The following PRX variants were observed in gnomAD, a reference collection of about 807,000 sequenced individuals.
The protein encoded by PRX is periaxin.
In PRX, 24 loss-of-function variants were observed where a neutral mutation model predicts 29.6. The observed-to-expected ratio is 0.81, with a 90% confidence interval of 0.59 to 1.14. PRX has a LOEUF of 1.14. Ranked by LOEUF, PRX falls within the 50% of genes most tolerant of loss-of-function variation. The pLI is 0.00. For missense variants in PRX, 1,838 were observed against 1,926.4 expected, an observed-to-expected ratio of 0.95 and a Z score of 0.86; for synonymous variants, 772 against 831.7, an observed-to-expected ratio of 0.93 and a Z score of 1.24.
At position 40,395,997 on chromosome 19, in the gene PRX, C is replaced by T. The variant is rs2145728615; in HGVS notation, c.2355G>A (p.Lys785=). 1.9e-6 allele frequency: 3 copies of T among 1,614,062 alleles called. No homozygotes were observed. Among genetic ancestry groups the T allele is most frequent in the Non-Finnish European group, 2.5e-6 (3 of 1,180,048 alleles). The change falls in exon 7 of 7, where the codon AAG becomes AAA. Residue 785 remains lysine (K), a synonymous_variant. Transcript: ENST00000324001. ...KLPRAPEVQL[K]ATKAEQAEGM... Reference sequence around the variant, plus strand: ...CTTCTGCCTGTTCTGCCTTGGTGGCCTTTAGCTGCACCTCCGGAGCCCTGG... The same window carrying T: ...CTTCTGCCTGTTCTGCCTTGGTGGCTTTTAGCTGCACCTCCGGAGCCCTGG...
rs555523161 is a variant in PRX, at chr19:40,394,496, C to T, written c.3856G>A (p.Gly1286Ser). ...GCCACCTGGTACTCGGCATGGTTGC[C>T]CCCGGATGGCGAGAGCTCCACGTCG... ...LPDVELSPSG[G>S]NHAEYQVAEG... The change falls in exon 7 of 7, where the codon GGC (glycine) becomes AGC (serine). Residue 1286 changes from glycine (G) to serine (S), a missense_variant. By Grantham distance (56) the Gly-to-Ser change is moderately conservative (BLOSUM62 0). This residue lies in a region of PRX where 1,143 missense variants were observed against 1,193.0 expected (regional missense o/e 0.96). Coordinates refer to ENST00000324001, the MANE Select transcript of PRX (RefSeq NM_181882.3). This position sits in a 1 kb window ranked among gnomAD's most constrained non-coding sequence, Gnocchi z 5.8. 1.3e-4 allele frequency: 206 copies of T among 1,599,658 alleles called. 2 individuals are homozygous for T. In the South Asian group the frequency reaches 2.2e-3, roughly 17 times the overall value.
intron 5 of PRX, among the ~76,000 whole-genome samples, chr19:40,400,580 G>A (rs1342883078): frequency 1.3e-5 from 1 of 75,558 alleles, no homozygotes; most frequent in Non-Finnish European, 2.2e-5. Context: ...CAACAAGAGC[G>A]AAATTCCATC....
chr19:40,407,756 C>CA (rs1340511548), intron 4 of PRX, 150 bp downstream of exon 4: 7 of 1,094,698 alleles, frequency 6.4e-6, no homozygotes, highest in Admixed American at 1.9e-5. Flanking sequence ...CTTCTCCTCA[C>CA]AGTGACCCAT....
At chr19:40,406,247 CAAAAA>C (rs112824640) in intron 4 of PRX, among the ~76,000 whole-genome samples, 1 of 88,816 alleles carries the variant, frequency 1.1e-5, no homozygotes. Flanking sequence ...GAATCCGTCT[CAAAAA>C]AAAAAAAAAA....
rs144157275 is a variant in PRX at position 40,397,755 on chromosome 19, G to A, written c.597C>T (p.Ala199=). The part of the protein sequence containing the change: ...QLPRLRVREV[A]EEAQAARLAA... ...CCAGCCGGGCTGCCTGAGCCTCTTC[G>A]GCCACTTCTCGTACACGCAGCCGAG... Residue 199 remains alanine (A), a synonymous_variant, in exon 7 of 7, where the codon GCC becomes GCT. Coordinates refer to ENST00000324001, the MANE Select transcript of PRX (RefSeq NM_181882.3). 43 of 1,565,412 alleles carry A rather than the reference G, an allele frequency of 2.7e-5. No homozygotes were observed. The highest frequency in any genetic ancestry group is 2.1e-4 in the African/African-American group (16 of 74,426).
Position 40,394,886 on chromosome 19 carries a change from C to T in PRX, c.3466G>A (p.Glu1156Lys). The T allele has an allele frequency of 1.2e-6, 2 of 1,611,450 alleles. No individual in the cohort carries two copies. Among genetic ancestry groups the T allele is most frequent in the Non-Finnish European group, 1.7e-6 (2 of 1,179,984 alleles). Residue 1156 changes from glutamate to lysine, a missense_variant, in exon 7 of 7, where the codon GAG (glutamate) becomes AAG (lysine). Physicochemically the swap from Glu to Lys is moderately conservative, Grantham distance 56. Around this residue, in one of 3 missense-constraint regions of PRX, gnomAD observed 1,143 missense variants for 1,193.0 expected, o/e 0.96. Coordinates refer to ENST00000324001, the MANE Select transcript of PRX (RefSeq NM_181882.3). This position sits in a 1 kb window ranked among gnomAD's most constrained non-coding sequence, Gnocchi z 5.8. ...CCTGCCTCCCCAAAGCCGGTCAGCT[C>T]CACCTGTGGCAGGGAGATGCCCAGC... is the stretch of plus-strand genomic sequence containing the variant. The part of the protein sequence containing the change: ...PPLGISLPQV[E>K]LTGFGEAGTP...
In PRX at chr19:40,395,439, C is replaced by A. The variant is rs1599652077; in HGVS notation, c.2913G>T (p.Val971=). The change falls in exon 7 of 7, where the codon GTG becomes GTT. Residue 971 remains valine, a synonymous_variant. Coordinates refer to ENST00000324001, the MANE Select transcript of PRX (RefSeq NM_181882.3). ...KFAISLPKAR[V]GAEAEAKGAG... ...CCCCTTTGGCCTCAGCCTCAGCCCC[C>A]ACCCGAGCCTTGGGGAGTGAGATGG... The A allele has an allele frequency of 1.9e-6, 3 of 1,614,132 alleles. No individual in the cohort carries two copies. Among genetic ancestry groups the A allele is most frequent in the Non-Finnish European group, 2.5e-6 (3 of 1,180,024 alleles).
At position 40,394,009 on chromosome 19, in the gene PRX, G is replaced by A. The variant is rs143125201; in HGVS notation, c.4343C>T (p.Pro1448Leu). The A allele has an allele frequency of 9.3e-6, 15 of 1,613,422 alleles. No homozygotes were observed. The highest frequency in any genetic ancestry group is 1.3e-5 in the Non-Finnish European group (15 of 1,179,796). ...AGCCCCCTCCATCCTGGCCGGGCCT[G>A]GAGCCCCTGTCTCTGAAAACCCCAC... ...PSVGFSETGA[P>L]GPARMEGAQA... The change falls in exon 7 of 7, where the codon CCA becomes CTA. Residue 1448 changes from proline to leucine, a missense_variant. By Grantham distance (98) the Pro-to-Leu change is moderately conservative. Around this residue, in one of 3 missense-constraint regions of PRX, gnomAD observed 1,143 missense variants for 1,193.0 expected, o/e 0.96. Transcript: ENST00000324001. The surrounding 1 kb of genome is among the most constrained non-coding windows in gnomAD (Gnocchi z 5.8).
intron 5 of PRX, among the ~76,000 whole-genome samples, chr19:40,402,000 C>T (rs1302190877): frequency 6.6e-6 from 1 of 152,054 alleles, no homozygotes; most frequent in African/African-American, 2.4e-5. Context: ...GTGATCAGCC[C>T]ACCTCAGCCT....
Position 40,409,566 on chromosome 19 carries a change from G to A in PRX, c.-242-1183C>T, listed in dbSNP as rs1335697851. On this transcript the variant is annotated intron_variant, in intron 1 of 6. Transcript: ENST00000324001. Reference sequence around the variant, plus strand: ...CGGCTTACTACAACCTCTGCCTCCTGGGTTCAAGTGATTCTCCTGCCTCAG... The same window carrying A: ...CGGCTTACTACAACCTCTGCCTCCTAGGTTCAAGTGATTCTCCTGCCTCAG... 2.0e-5 allele frequency among the ~76,000 whole-genome samples: 3 copies of A among 151,672 alleles called. No individual in the cohort carries two copies. In the East Asian group the frequency reaches 5.8e-4, roughly 29 times the overall value.
At position 40,395,337 on chromosome 19, in the gene PRX, G is replaced by T; in HGVS notation, c.3015C>A (p.Gly1005=). The T allele has an allele frequency of 6.2e-7, 1 of 1,613,648 alleles. No individual in the cohort carries two copies. Among genetic ancestry groups the T allele is most frequent in the South Asian group, 1.1e-5 (1 of 91,086 alleles). The part of the protein sequence containing the change: ...QLSLDAHLPS[G]KVEVAGADLK... ...GGTCGGCCCCTGCCACCTCTACCTT[G>T]CCTGAGGGCAGGTGGGCATCCAGGC... Residue 1005 remains glycine (G), a synonymous_variant, in exon 7 of 7, where the codon GGC becomes GGA. Coordinates refer to ENST00000324001, the MANE Select transcript of PRX (RefSeq NM_181882.3).
In PRX at chr19:40,397,186, G is replaced by A. The variant is rs377089486; in HGVS notation, c.1166C>T (p.Pro389Leu). 4 of 1,613,936 alleles carry A rather than the reference G, an allele frequency of 2.5e-6. No individual in the cohort carries two copies. In the South Asian group the frequency reaches 4.4e-5, roughly 18 times the overall value. Residue 389 changes from proline to leucine, a missense_variant, in exon 7 of 7, where the codon CCC becomes CTC. Transcript: ENST00000324001. ...KVSPEARVKG[P>L]RLRMPTFGLS... Reference sequence around the variant, plus strand: ...CCCAAAGGTGGGCATTCGAAGTCTGGGACCTTTCACCCTGGCCTCAGGGCT... The same window carrying A: ...CCCAAAGGTGGGCATTCGAAGTCTGAGACCTTTCACCCTGGCCTCAGGGCT...
Position 40,396,470 on chromosome 19 carries a change from C to T in PRX, c.1882G>A (p.Glu628Lys). 1 of 1,613,020 alleles carries T rather than the reference C, an allele frequency of 6.2e-7. No individual in the cohort carries two copies. The highest frequency in any genetic ancestry group is 8.5e-7 in the Non-Finnish European group (1 of 1,179,776). ...AGTTTCATCTCAGGGAGCTTCATCT[C>T]TGGGACTTTTGGAAGCTGCACTTCT... is the stretch of plus-strand genomic sequence containing the variant. ...LPEVQLPKVP[E>K]MKLPEMKLPE... Residue 628 changes from glutamate to lysine, a missense_variant, in exon 7 of 7, where the codon GAG (glutamate) becomes AAG (lysine). Coordinates refer to ENST00000324001, the MANE Select transcript of PRX (RefSeq NM_181882.3).
chr19:40,397,265 G>A lies in PRX; in HGVS notation c.1087C>T (p.Pro363Ser), dbSNP rs886054439. 2.5e-6 allele frequency: 4 copies of A among 1,613,600 alleles called. No homozygotes were observed. The highest frequency in any genetic ancestry group is 1.3e-5 in the African/African-American group (1 of 74,942). ...VALKMPRLSF[P>S]RFGARAKEVA... The stretch of plus-strand genomic sequence containing the variant: ...TCCTTTGCTCGAGCCCCAAATCGGG[G>A]AAAACTAAGGCGGGGCATCTTCAGG... The change falls in exon 7 of 7, where the codon CCC becomes TCC. Residue 363 changes from proline to serine, a missense_variant. Coordinates refer to ENST00000324001, the MANE Select transcript of PRX (RefSeq NM_181882.3).
chr19:40,397,161 C>G lies in PRX; in HGVS notation c.1191G>C (p.Gly397=). 6.2e-7 allele frequency: 1 copy of G among 1,613,858 alleles called. No homozygotes were observed. The highest frequency in any genetic ancestry group is 8.5e-7 in the Non-Finnish European group (1 of 1,179,974). The part of the protein sequence containing the change: ...KGPRLRMPTF[G]LSLLEPRPAA... The stretch of plus-strand genomic sequence containing the variant: ...CGGGCCGGGGCTCCAAGAGGGAAAG[C>G]CCAAAGGTGGGCATTCGAAGTCTGG... Residue 397 remains glycine, a synonymous_variant, in exon 7 of 7, where the codon GGG becomes GGC. Transcript: ENST00000324001.
At position 40,394,078 on chromosome 19, in the gene PRX, C is replaced by T; in HGVS notation, c.4274G>A (p.Ser1425Asn). 6.2e-7 allele frequency: 1 copy of T among 1,611,768 alleles called. No individual in the cohort carries two copies. The highest frequency in any genetic ancestry group is 8.5e-7 in the Non-Finnish European group (1 of 1,178,218). Residue 1425 changes from serine (S) to asparagine (N), a missense_variant, in exon 7 of 7, where the codon AGT becomes AAT. Physicochemically the swap from Ser to Asn is conservative, Grantham distance 46. This residue lies in a region of PRX where 1,143 missense variants were observed against 1,193.0 expected (regional missense o/e 0.96). Transcript: ENST00000324001. The surrounding 1 kb of genome is among the most constrained non-coding windows in gnomAD (Gnocchi z 5.8). ...CAATCCACCCTCTTCCTGGTCCCCA[C>T]TCCCACTCCGGGCCTTGGGGCTTAG... is the stretch of plus-strand genomic sequence containing the variant. ...VSLSPKARSG[S>N]GDQEEGGLRV...
chr19:40,407,253 T>TG (rs1303300315), intron 4 of PRX, among the ~76,000 whole-genome samples: 1 of 147,004 alleles, frequency 6.8e-6, no homozygotes, highest in Non-Finnish European at 1.5e-5. Flanking sequence ...TGTGTGTGTG[T>TG]TTAGACAGGG....
Position 40,403,729 on chromosome 19 carries a change from G to T in PRX, c.161C>A (p.Ala54Asp). The change falls in exon 5 of 7, where the codon GCC becomes GAC. Residue 54 changes from alanine (A) to aspartate (D), a missense_variant. This residue lies in a region of PRX where 666 missense variants were observed against 665.0 expected (regional missense o/e 1.00). Transcript: ENST00000324001. ...ACCTTCCTGCAGGCTGAGGCTCCTG[G>T]CGGCGGGTGAGTCCTCGCGCAGCTC... is the stretch of plus-strand genomic sequence containing the variant. ...VRELREDSPA[A>D]RSLSLQEGDQ... 2 of 1,564,890 alleles carry T rather than the reference G, an allele frequency of 1.3e-6. No homozygotes were observed. The highest frequency in any genetic ancestry group is 2.4e-5 in the East Asian group (1 of 41,668).
In PRX at chr19:40,403,567, C is replaced by T. The variant is rs995836363; in HGVS notation, c.184+139G>A. The T allele has an allele frequency of 2.3e-5, 25 of 1,086,422 alleles. No homozygotes were observed. In the African/African-American group the frequency reaches 3.5e-4, roughly 15 times the overall value. 67.3% of individuals were successfully genotyped at this position (1,086,422 alleles called of 1,614,324 possible). A position where few individuals can be genotyped will look rare whatever the true frequency, so the allele number is the denominator to read the frequency against. On this transcript the variant is annotated intron_variant, in intron 5 of 6. Transcript: ENST00000324001. ...TTGCTGTGAACAGTCAGCAAAGCCCCGCCCCAAGCCCTTAACCCCTCCTGG... is the reference window on the plus strand; with the variant it reads ...TTGCTGTGAACAGTCAGCAAAGCCCTGCCCCAAGCCCTTAACCCCTCCTGG...
Sources: gnomAD v4.1 joint callset for allele counts (sites outside exome capture counted in the v4.1 genomes callset) on GRCh38, gnomAD v4.1.1 for gene constraint, gnomAD v4.1.1 regional missense constraint, Gnocchi (gnomAD v3.1) non-coding constraint, MANE v1.5 for transcripts, NCBI Gene and HGNC (gene_info 2026-07-23, HGNC 2026-07-21) for gene names.